Variants in GRHPR observed in about 807,000 individuals in gnomAD.
GRHPR encodes glyoxylate and hydroxypyruvate reductase.
A neutral mutation model predicts 36.8 loss-of-function variants in GRHPR; 35 were observed. The ratio of observed to expected loss-of-function variants is 0.95; its 90% CI spans 0.73 to 1.26. GRHPR has a LOEUF of 1.26. Ranked by LOEUF, GRHPR falls within the 50% of genes most tolerant of loss-of-function variation. The pLI is 0.00. For synonymous variants in GRHPR, 179 were observed against 181.0 expected, an observed-to-expected ratio of 0.99 and a Z score of 0.09; for missense variants, 380 against 435.0, an observed-to-expected ratio of 0.87 and a Z score of 1.12.
At chr9:37,422,519 C>A, upstream of GRHPR, 1 of 547,636 alleles carries the variant, frequency 1.8e-6, no homozygotes, top group Admixed American at 3.3e-5. Flanking sequence ...CGAGGCGCAC[C>A]CCCCCACACA....
intron 1 of GRHPR, among the ~76,000 whole-genome samples, chr9:37,423,126 C>T (rs955099797): frequency 2.0e-5 from 3 of 151,348 alleles, no homozygotes; most frequent in Non-Finnish European, 4.4e-5. Context: ...GGACGTTTGG[C>T]AGGGGGCTTT....
intron 8 of GRHPR, among the ~76,000 whole-genome samples, chr9:37,435,685 G>A (rs993332952): frequency 6.6e-6 from 1 of 151,576 alleles, no homozygotes; most frequent in Non-Finnish European, 1.5e-5. Context: ...GAGGCCAGGA[G>A]TTCAAGACCA....
chr9:37,422,697 C>T lies in GRHPR; in HGVS notation c.-54C>T, dbSNP rs1822883968. On this transcript the variant is annotated 5_prime_UTR_variant, in exon 1 of 9. Coordinates refer to ENST00000318158, the MANE Select transcript of GRHPR (RefSeq NM_012203.2). Reference sequence around the variant, plus strand: ...GCCTGGCCCCGCCCCGGCCCAGCTACATTCCCGGGCCAGCTTCTGTACTGC... The same window carrying T: ...GCCTGGCCCCGCCCCGGCCCAGCTATATTCCCGGGCCAGCTTCTGTACTGC... The T allele has an allele frequency of 1.4e-6, 2 of 1,380,986 alleles. No homozygotes were observed. The highest frequency in any genetic ancestry group is 2.5e-5 in the East Asian group (1 of 40,360). The allele number at this position is 1,380,986 out of a possible 1,614,324, so 85.5% of individuals were successfully genotyped here.
intron 4 of GRHPR, chr9:37,428,146 A>G (rs1823174139): frequency 6.5e-5 from 28 of 430,630 alleles, no homozygotes; most frequent in South Asian, 6.1e-4. Flanking sequence ...TTTTGGAATC[A>G]TAAATCCTGA....
At chr9:37,434,273 C>A in intron 8 of GRHPR, 1 of 436,106 alleles carries the variant, frequency 2.3e-6, no homozygotes, top group East Asian at 3.3e-5. Context: ...CCAGTGATCC[C>A]TATGGGGGGA....
intron 8 of GRHPR, among the ~76,000 whole-genome samples, chr9:37,436,241 G>C (rs1426197892): frequency 6.6e-6 from 1 of 152,084 alleles, no homozygotes; most frequent in Non-Finnish European, 1.5e-5. Context: ...CCCAAGTAGC[G>C]GGGACTATAG....
At chr9:37,437,496 A>G (rs1823728649), downstream of GRHPR, among the ~76,000 whole-genome samples, 1 of 152,162 alleles carries the variant, frequency 6.6e-6, no homozygotes, top group Admixed American at 6.5e-5. Flanking sequence ...CTAGACCATC[A>G]GGAAAATTAA....
chr9:37,437,700 T>TA (rs1276899484), downstream of GRHPR, among the ~76,000 whole-genome samples: 49 of 133,588 alleles, frequency 3.7e-4, no homozygotes, highest in African/African-American at 6.3e-4. Flanking sequence ...TTTTTTTTTT[T>TA]AATCACCACC....
intron 6 of GRHPR, 169 bp downstream of exon 6, chr9:37,430,005 G>A: frequency 1.5e-6 from 1 of 674,116 alleles, no homozygotes; most frequent in Admixed American, 2.1e-5. Flanking sequence ...GCCCACTCAG[G>A]GAGCACAGGG....
intron 4 of GRHPR, among the ~76,000 whole-genome samples, chr9:37,427,004 G>A (rs1163846781): frequency 6.6e-6 from 1 of 152,058 alleles, no homozygotes; most frequent in African/African-American, 2.4e-5. Flanking sequence ...GCTCTGCTCA[G>A]CACTGGATCC....
At chr9:37,431,007 C>G (rs1249927182) in intron 7 of GRHPR, 2 of 483,648 alleles carry the variant, frequency 4.1e-6, no homozygotes, top group Non-Finnish European at 8.5e-6. Context: ...CCGCCTCCCA[C>G]ACTGCTGAGC....
intron 5 of GRHPR, 87 bp downstream of exon 5, chr9:37,428,659 AC>A: frequency 1.2e-6 from 1 of 869,226 alleles, no homozygotes; most frequent in Non-Finnish European, 1.9e-6. Flanking sequence ...GGCTGAGAAG[AC>A]CCACATGCTG....
chr9:37,422,541 A>C, upstream of GRHPR: 28 of 585,008 alleles, frequency 4.8e-5, no homozygotes, highest in East Asian at 5.8e-4. Context: ...ACACAAGGAC[A>C]CTGTGTAGGG....
At chr9:37,431,209 G>C in intron 7 of GRHPR, 1 of 360,492 alleles carries the variant, frequency 2.8e-6, no homozygotes, top group South Asian at 2.1e-5. Context: ...CCTTGAGCCT[G>C]TTTACATCAG....
Position 37,436,725 on chromosome 9 carries a change from T to TAAC in GRHPR, c.934_936dup (p.Asn312dup), listed in dbSNP as rs780317388. 1 of 1,613,888 alleles carries TAAC rather than the reference T, an allele frequency of 6.2e-7. No homozygotes were observed. The highest frequency in any genetic ancestry group is 1.3e-5 in the African/African-American group (1 of 74,920). ...GCAACACCATGTCCTTGTTGGCAGC[T>TAAC]AACAACTTGCTGGCTGGCCTGAGAG... On this transcript the variant is annotated inframe_insertion, in exon 9 of 9. Transcript: ENST00000318158.
At chr9:37,431,610 T>G in intron 7 of GRHPR, 2 of 260,646 alleles carry the variant, frequency 7.7e-6, no homozygotes, top group Non-Finnish European at 1.5e-5. Context: ...GGTCTGGGGG[T>G]CAACCAGATC....
Position 37,426,567 on chromosome 9 carries a change from T to G in GRHPR, c.317T>G (p.Val106Gly). Residue 106 changes from valine (V) to glycine (G), a missense_variant, in exon 4 of 9, where the codon GTC becomes GGC. Transcript: ENST00000318158. ...ATCCGAGTTGGCTACACCCCAGATG[T>G]CCTGACAGATACCACCGCCGAACTC... ...RGIRVGYTPD[V>G]LTDTTAELAV... The G allele has an allele frequency of 6.2e-7, 1 of 1,613,444 alleles. No homozygotes were observed.
In GRHPR at chr9:37,436,758, G is replaced by T; in HGVS notation, c.963G>T (p.Pro321=). ...TGCTGGCTGGCCTGAGAGGGGAGCC[G>T]ATGCCTAGTGAACTCAAGCTGTAGC... ...NNLLAGLRGE[P]MPSELKL Residue 321 remains proline, a synonymous_variant, in exon 9 of 9, where the codon CCG becomes CCT. Coordinates refer to ENST00000318158, the MANE Select transcript of GRHPR (RefSeq NM_012203.2). 1 of 1,614,010 alleles carries T rather than the reference G, an allele frequency of 6.2e-7. No individual in the cohort carries two copies. The highest frequency in any genetic ancestry group is 8.5e-7 in the Non-Finnish European group (1 of 1,179,948).
rs1564300408 is a variant in GRHPR at position 37,429,825 on chromosome 9, AG to A, written c.589del (p.Ala197GlnfsTer22). ...QPRPEEAAEF[Q>X]AEFVSTPELA... ...AGGCCTGAGGAAGCAGCAGAATTCC[AG>A]GCAGAGTTTGGTAAGTGAAGCCTTG... On this transcript the variant is annotated frameshift_variant, in exon 6 of 9. Transcript: ENST00000318158. LOFTEE classifies it high-confidence loss of function. The A allele has an allele frequency of 6.3e-7, 1 of 1,588,938 alleles. No homozygotes were observed. The highest frequency in any genetic ancestry group is 1.7e-5 in the Admixed American group (1 of 60,002).
Sources: gnomAD v4.1 joint callset for allele counts (sites outside exome capture counted in the v4.1 genomes callset) on GRCh38, gnomAD v4.1.1 for gene constraint, MANE v1.5 for transcripts, NCBI Gene and HGNC (gene_info 2026-07-23, HGNC 2026-07-21) for gene names.